The following RNF115 variants were observed in gnomAD, a reference collection of about 807,000 sequenced individuals.
The protein encoded by RNF115 is E3 ubiquitin-protein ligase RNF115.
Under a neutral mutation model 39.2 loss-of-function variants are expected in RNF115, and 31 were observed. That is an observed-to-expected ratio of 0.79 (90% CI 0.59 to 1.07). RNF115 has a LOEUF of 1.07. Among genes scored for constraint, RNF115 ranks in the 50% least tolerant of loss-of-function variants. The pLI is 0.00. For missense variants in RNF115, 384 were observed against 381.7 expected (o/e 1.01, Z -0.05); for synonymous variants, 124 against 131.0 (o/e 0.95, Z 0.37).
chr1:145,756,890 G>A (rs1484212557), intron 4 of RNF115, among the ~76,000 whole-genome samples: 4 of 140,130 alleles, frequency 2.9e-5, no homozygotes, highest in East Asian at 2.1e-4. Context: ...AGGCCAGAGT[G>A]CAGTGGTGCG....
chr1:145,748,703 G>A (rs1431846774), intron 7 of RNF115, among the ~76,000 whole-genome samples: 2 of 152,010 alleles, frequency 1.3e-5, no homozygotes, highest in African/African-American at 2.4e-5. Context: ...GGCCAAGATG[G>A]TAAAAACCCT....
intron 4 of RNF115, among the ~76,000 whole-genome samples, chr1:145,761,904 C>T (rs1658549278): frequency 6.6e-6 from 1 of 152,156 alleles, no homozygotes; most frequent in African/African-American, 2.4e-5. Context: ...AGGGGTGGAG[C>T]TGCCCAAGAC....
At chr1:145,759,790 C>G (rs1658432603) in intron 4 of RNF115, among the ~76,000 whole-genome samples, 1 of 152,138 alleles carries the variant, frequency 6.6e-6, no homozygotes, top group Non-Finnish European at 1.5e-5. Context: ...TCCCCATTCC[C>G]ACTCCCATCA....
chr1:145,752,801 A>G (rs1398444910), intron 5 of RNF115, among the ~76,000 whole-genome samples, 177 bp downstream of exon 5: 2 of 151,834 alleles, frequency 1.3e-5, no homozygotes, highest in Non-Finnish European at 2.9e-5. Context: ...GTTAGCCAGG[A>G]TGGCCTCGAT....
chr1:145,792,003 C>T (rs1322776896), intron 1 of RNF115, among the ~76,000 whole-genome samples: 2 of 152,044 alleles, frequency 1.3e-5, no homozygotes, highest in African/African-American at 4.8e-5. Flanking sequence ...ACAGTTTTGG[C>T]TCACTGTAGC....
chr1:145,814,285 C>T (rs1649878432), intron 1 of RNF115, among the ~76,000 whole-genome samples: 1 of 151,778 alleles, frequency 6.6e-6, no homozygotes, highest in Admixed American at 6.6e-5. Context: ...AAATTGTCTA[C>T]AGACTTTGCC....
At chr1:145,749,216 TC>T (rs71584611) in intron 7 of RNF115, among the ~76,000 whole-genome samples, 43,123 of 151,946 alleles carry the variant, frequency 0.28, 7,139 homozygotes, top group Non-Finnish European at 0.37. Context: ...CTCCTTACTC[TC>T]CATTCCTATC....
At chr1:145,761,407 G>C (rs587618642) in intron 4 of RNF115, among the ~76,000 whole-genome samples, 1 of 152,194 alleles carries the variant, frequency 6.6e-6, no homozygotes, top group Non-Finnish European at 1.5e-5. Context: ...CAGGGTCCCC[G>C]TGCTGTGTGC....
chr1:145,780,394 G>C (rs1648080759), intron 3 of RNF115, among the ~76,000 whole-genome samples: 1 of 152,022 alleles, frequency 6.6e-6, no homozygotes, highest in South Asian at 2.1e-4. Context: ...ACCAAGGCGG[G>C]CAGATCACGA....
chr1:145,784,776 T>C (rs1235245273), intron 2 of RNF115, among the ~76,000 whole-genome samples, 180 bp from the exon 3 acceptor site: 1 of 152,094 alleles, frequency 6.6e-6, no homozygotes, highest in Non-Finnish European at 1.5e-5. Context: ...ATGAAAAGTA[T>C]CATAAACCAC....
chr1:145,809,009 T>C (rs868948490), intron 1 of RNF115, among the ~76,000 whole-genome samples: 7 of 152,136 alleles, frequency 4.6e-5, no homozygotes, highest in Non-Finnish European at 8.8e-5. Context: ...CTGAAAGGCA[T>C]GTAATTATGG....
chr1:145,793,998 C>T (rs1648809901), intron 1 of RNF115, among the ~76,000 whole-genome samples: 1 of 152,142 alleles, frequency 6.6e-6, no homozygotes, highest in Admixed American at 6.5e-5. Context: ...CATGTGCCAC[C>T]ACACCCGGCT....
At chr1:145,766,402 A>G (rs1429952914) in intron 4 of RNF115, among the ~76,000 whole-genome samples, 1 of 152,158 alleles carries the variant, frequency 6.6e-6, no homozygotes, top group Non-Finnish European at 1.5e-5. Flanking sequence ...CTCTTTCTAC[A>G]CAGACACGGC....
intron 1 of RNF115, among the ~76,000 whole-genome samples, chr1:145,813,497 C>CA (rs1188246136): frequency 6.6e-6 from 1 of 151,864 alleles, no homozygotes; most frequent in Non-Finnish European, 1.5e-5. Context: ...TCCCAACTGA[C>CA]AAAAAAATGT....
In RNF115 at chr1:145,750,510, A is replaced by G. The variant is rs587638237; in HGVS notation, c.574-10T>C. 4 of 1,610,496 alleles carry G rather than the reference A, an allele frequency of 2.5e-6. No homozygotes were observed. The highest frequency in any genetic ancestry group is 1.1e-5 in the South Asian group (1 of 90,976). On this transcript the variant is annotated splice_polypyrimidine_tract_variant and intron_variant, in intron 6 of 8. Transcript: ENST00000582693. ...CCAGTTGTCCTAAAAGCTACAAAAA[A>G]AGAGAAAGAAAAAGACGAAGTGGCA... is the stretch of plus-strand genomic sequence containing the variant.
chr1:145,793,061 A>G (rs1233940109), intron 1 of RNF115, among the ~76,000 whole-genome samples: 2 of 152,196 alleles, frequency 1.3e-5, no homozygotes, highest in East Asian at 3.9e-4. Context: ...GCTCACGCCT[A>G]TAATCTTAAT....
intron 1 of RNF115, among the ~76,000 whole-genome samples, chr1:145,792,399 C>T (rs185595388): frequency 3.6e-4 from 55 of 152,044 alleles, no homozygotes; most frequent in African/African-American, 7.2e-4. Context: ...GGCACAATCA[C>T]GGCTCAAGGC....
At chr1:145,823,686 T>G (rs1205474208) in intron 1 of RNF115, 86 bp downstream of exon 1, 1 of 1,068,610 alleles carries the variant, frequency 9.4e-7, no homozygotes, top group Non-Finnish European at 1.3e-6. Flanking sequence ...GAGTCAATGA[T>G]GTGCAGAAAG....
Position 145,789,258 on chromosome 1 carries a change from A to G in RNF115, c.103-292T>C, listed in dbSNP as rs587760203. On this transcript the variant is annotated intron_variant, in intron 1 of 8. Coordinates refer to ENST00000582693, the MANE Select transcript of RNF115 (RefSeq NM_014455.4). ...GCTAGGACCACAGGCACATGCCAAC[A>G]TACCTAATTTTTTTTATTTTTTGTA... 5.9e-5 allele frequency among the ~76,000 whole-genome samples: 9 copies of G among 152,166 alleles called. No homozygotes were observed. The South Asian group carries it at 1.9e-3, about 32-fold the overall frequency.
Sources: gnomAD v4.1 joint callset for allele counts (sites outside exome capture counted in the v4.1 genomes callset) on GRCh38, gnomAD v4.1.1 for gene constraint, MANE v1.5 for transcripts, NCBI Gene and HGNC (gene_info 2026-07-23, HGNC 2026-07-21) for gene names.